Variants in MIS18A observed in about 807,000 individuals in gnomAD.
MIS18A encodes the protein MIS18 kinetochore protein A.
Under a neutral mutation model 25.0 loss-of-function variants are expected in MIS18A, and 14 were observed. The observed-to-expected ratio is 0.56, with a 90% CI of 0.37 to 0.88. MIS18A has a LOEUF of 0.88. MIS18A is among the 40% of genes least tolerant of loss of function. The probability of loss-of-function intolerance (pLI) is 0.00; values close to 1 mark genes in which losing one functional copy is unlikely to be tolerated. For missense variants in MIS18A, 292 were observed against 290.8 expected (o/e 1.00, Z -0.03); for synonymous variants, 134 against 118.6 (o/e 1.13, Z -0.84).
chr21:32,236,442 CAG>C, the MIS18A span, among the ~76,000 whole-genome samples: 5 of 142,702 alleles, frequency 3.5e-5, no homozygotes, highest in African/African-American at 1.3e-4. Flanking sequence ...ACTGATGAAA[CAG>C]AAACCCAAAA....
chr21:32,240,918 A>G, the MIS18A span, among the ~76,000 whole-genome samples: 29 of 152,262 alleles, frequency 1.9e-4, no homozygotes, highest in South Asian at 4.1e-4. Context: ...CAATCCCCAT[A>G]ATACAGGAAG....
intron 2 of MIS18A, among the ~76,000 whole-genome samples, chr21:32,271,050 T>G (rs2123464829): frequency 6.6e-6 from 1 of 152,330 alleles, no homozygotes; most frequent in Middle Eastern, 3.4e-3. Flanking sequence ...TCTCTAAAGT[T>G]AGATGACAAC....
At chr21:32,248,196 G>A in the MIS18A span, among the ~76,000 whole-genome samples, 4 of 152,202 alleles carry the variant, frequency 2.6e-5, no homozygotes, top group African/African-American at 9.6e-5. Flanking sequence ...TTTGAAGTGG[G>A]TTTTGTTACT....
the MIS18A span, among the ~76,000 whole-genome samples, chr21:32,175,105 G>A: frequency 6.6e-6 from 1 of 152,106 alleles, no homozygotes; most frequent in Non-Finnish European, 1.5e-5. Context: ...ATAGACTATT[G>A]CTCCCAGGCT....
the MIS18A span, among the ~76,000 whole-genome samples, chr21:32,230,623 A>G: frequency 3.3e-5 from 5 of 152,362 alleles, no homozygotes; most frequent in African/African-American, 1.2e-4. Flanking sequence ...AGGGAGCCAA[A>G]TTAATTCAAT....
chr21:32,241,706 C>G, the MIS18A span, among the ~76,000 whole-genome samples: 1 of 148,880 alleles, frequency 6.7e-6, no homozygotes, highest in African/African-American at 2.5e-5. Flanking sequence ...TAATAAAAGA[C>G]ACACATGTCA....
downstream of MIS18A, among the ~76,000 whole-genome samples, chr21:32,264,981 A>C (rs867977373): frequency 2.0e-5 from 3 of 152,178 alleles, no homozygotes; most frequent in Non-Finnish European, 4.4e-5. Context: ...CAGTTACAAC[A>C]ATCTTTAAAG....
chr21:32,160,874 G>A, the MIS18A span, among the ~76,000 whole-genome samples: 2 of 152,016 alleles, frequency 1.3e-5, no homozygotes, highest in Non-Finnish European at 1.5e-5. Context: ...CAGGTGATCC[G>A]CCTGCCTCAG....
chr21:32,199,545 T>C, the MIS18A span, among the ~76,000 whole-genome samples: 6 of 152,108 alleles, frequency 3.9e-5, no homozygotes, highest in Non-Finnish European at 5.9e-5. Context: ...TGGTGGCTCA[T>C]GCCTGTAATC....
the MIS18A span, among the ~76,000 whole-genome samples, chr21:32,161,032 C>T: frequency 6.6e-6 from 1 of 152,190 alleles, no homozygotes; most frequent in Non-Finnish European, 1.5e-5. Flanking sequence ...GAAGAGGAGG[C>T]AGGTTTGCCC....
the MIS18A span, among the ~76,000 whole-genome samples, chr21:32,205,962 T>G: frequency 6.6e-6 from 1 of 152,292 alleles, no homozygotes; most frequent in East Asian, 1.9e-4. Flanking sequence ...GGGGTTTTTC[T>G]CACCTGCAAT....
chr21:32,193,497 T>C, the MIS18A span, among the ~76,000 whole-genome samples: 2 of 108,052 alleles, frequency 1.9e-5, no homozygotes, highest in Non-Finnish European at 4.1e-5. Flanking sequence ...GATAGATAGA[T>C]AGATAGATAG....
chr21:32,248,506 T>C, the MIS18A span, among the ~76,000 whole-genome samples: 4 of 152,256 alleles, frequency 2.6e-5, no homozygotes, highest in Admixed American at 6.5e-5. Flanking sequence ...CCCACAGGCA[T>C]ATGTTCCATC....
chr21:32,266,169 C>T (rs1475405451), downstream of MIS18A, among the ~76,000 whole-genome samples: 1 of 152,174 alleles, frequency 6.6e-6, no homozygotes, highest in Non-Finnish European at 1.5e-5. Flanking sequence ...TTTGTGAATG[C>T]ACCAATCAAC....
At chr21:32,181,371 T>C in the MIS18A span, among the ~76,000 whole-genome samples, 1 of 152,182 alleles carries the variant, frequency 6.6e-6, no homozygotes, top group Non-Finnish European at 1.5e-5. Context: ...CAATGACTTA[T>C]AATAAATCTC....
the MIS18A span, among the ~76,000 whole-genome samples, chr21:32,247,495 G>A: frequency 6.6e-6 from 1 of 152,206 alleles, no homozygotes; most frequent in Non-Finnish European, 1.5e-5. Context: ...CTGTCAGTTG[G>A]AGGACATTGT....
the MIS18A span, among the ~76,000 whole-genome samples, chr21:32,253,100 G>A: frequency 2.0e-5 from 3 of 152,180 alleles, no homozygotes; most frequent in African/African-American, 7.2e-5. Context: ...GGGCGAGGAC[G>A]GAAGGGTGGG....
At chr21:32,190,742 G>T in the MIS18A span, among the ~76,000 whole-genome samples, 45 of 152,184 alleles carry the variant, frequency 3.0e-4, no homozygotes, top group Non-Finnish European at 4.7e-4. Flanking sequence ...TGGCCTCACT[G>T]CATGTGGGTG....
At chr21:32,267,232 T>C (rs930145267), downstream of MIS18A, among the ~76,000 whole-genome samples, 1 of 152,210 alleles carries the variant, frequency 6.6e-6, no homozygotes, top group Admixed American at 6.5e-5. Context: ...ATGAAGACTG[T>C]CTTATGAAAC....
Sources: gnomAD v4.1 joint callset for allele counts (sites outside exome capture counted in the v4.1 genomes callset) on GRCh38, gnomAD v4.1.1 for gene constraint, MANE v1.5 for transcripts, NCBI Gene and HGNC (gene_info 2026-07-23, HGNC 2026-07-21) for gene names.